PRIM2: variants seen among roughly 807,000 people sequenced by gnomAD.
PRIM2 encodes DNA primase subunit 2.
PRIM2 carries 39 observed loss-of-function variants against 67.3 expected under a neutral mutation model. The ratio of observed to expected loss-of-function variants is 0.58; its 90% confidence interval spans 0.45 to 0.76. The LOEUF (loss-of-function observed/expected upper bound fraction) is 0.76. Among genes scored for constraint, PRIM2 ranks in the 30% least tolerant of loss-of-function variants. PRIM2 has a pLI of 0.00. For synonymous variants in PRIM2, 143 were observed against 198.7 expected, an observed-to-expected ratio of 0.72 and a Z score of 2.36; for missense variants, 398 against 598.7, an observed-to-expected ratio of 0.66 and a Z score of 3.50.
the PRIM2 span, among the ~76,000 whole-genome samples, chr6:57,231,394 A>T: frequency 6.6e-6 from 1 of 152,238 alleles, no homozygotes; most frequent in East Asian, 1.9e-4. Context: ...CTTGAATTAC[A>T]AATAATGATG....
At chr6:57,574,464 C>T (rs1381429835) in intron 10 of PRIM2, among the ~76,000 whole-genome samples, 80 of 152,272 alleles carry the variant, frequency 5.3e-4, no homozygotes, top group African/African-American at 1.9e-3. Flanking sequence ...GGACAACTCA[C>T]GATCAGAACC....
Position 57,510,975 on chromosome 6 carries a change from G to C in PRIM2, c.761+3521G>C, listed in dbSNP as rs1774354721. Among the ~76,000 whole-genome samples, 3 of 152,094 alleles carry C rather than the reference G, an allele frequency of 2.0e-5. No individual in the cohort carries two copies. In the South Asian group the frequency reaches 6.2e-4, roughly 32 times the overall value. Reference sequence around the variant, plus strand: ...ATGGACATTAGGAGGTTGATACCGAGATCATTATTAGGTCTAATTTTGTTT... The same window carrying C: ...ATGGACATTAGGAGGTTGATACCGACATCATTATTAGGTCTAATTTTGTTT... On this transcript the variant is annotated intron_variant, in intron 8 of 13. Coordinates refer to ENST00000615550, the MANE Select transcript of PRIM2 (RefSeq NM_000947.5).
the PRIM2 span, among the ~76,000 whole-genome samples, chr6:57,293,835 G>T: frequency 6.6e-6 from 1 of 151,786 alleles, no homozygotes; most frequent in Non-Finnish European, 1.5e-5. Flanking sequence ...GGGGCCTGTT[G>T]GGGGGTGGGG....
rs1435893976 is a variant in PRIM2 at position 57,560,970 on chromosome 6, G to A, written c.1020+23345G>A. On this transcript the variant is annotated intron_variant, in intron 10 of 13. Coordinates refer to ENST00000615550, the MANE Select transcript of PRIM2 (RefSeq NM_000947.5). ...CTATAGCCCCTAACAAGAAAGTTAGGGGCTAATTTGAACCCAGGCATTGAC... is the reference window on the plus strand; with the variant it reads ...CTATAGCCCCTAACAAGAAAGTTAGAGGCTAATTTGAACCCAGGCATTGAC... Among the ~76,000 whole-genome samples the A allele has an allele frequency of 3.9e-5, 6 of 152,058 alleles. No homozygotes were observed. In the East Asian group the frequency reaches 7.7e-4, roughly 20 times the overall value.
chr6:57,233,071 T>A, the PRIM2 span, among the ~76,000 whole-genome samples: 21 of 152,354 alleles, frequency 1.4e-4, no homozygotes, highest in African/African-American at 4.8e-4. Flanking sequence ...CATATTCCTC[T>A]GTATGAAATC....
At chr6:57,333,121 ATAG>A (rs1768112572) in intron 5 of PRIM2, among the ~76,000 whole-genome samples, 1 of 152,170 alleles carries the variant, frequency 6.6e-6, no homozygotes, top group South Asian at 2.1e-4. Context: ...GTTAATTTCA[ATAG>A]TGTACAAACT....
At chr6:57,227,626 A>C in the PRIM2 span, among the ~76,000 whole-genome samples, 1 of 138,520 alleles carries the variant, frequency 7.2e-6, no homozygotes, top group African/African-American at 2.7e-5. Context: ...CCTCAGCCAC[A>C]GGGTGAGACC....
chr6:57,568,516 A>G (rs1775793578), intron 10 of PRIM2, among the ~76,000 whole-genome samples: 1 of 152,222 alleles, frequency 6.6e-6, no homozygotes. Context: ...CTTGTTCACT[A>G]CATGCCCCAG....
chr6:57,642,101 A>G (rs1490652390), intron 13 of PRIM2, among the ~76,000 whole-genome samples: 4 of 152,210 alleles, frequency 2.6e-5, no homozygotes, highest in Non-Finnish European at 5.9e-5. Context: ...TGAAGCTGGA[A>G]ACCATCATTC....
At chr6:57,620,489 C>T (rs1218651564) in intron 12 of PRIM2, among the ~76,000 whole-genome samples, 2,658 of 152,214 alleles carry the variant, frequency 0.017, 85 homozygotes, top group African/African-American at 0.06. Flanking sequence ...GGAAAGATAA[C>T]AGTCGTTTTC....
chr6:57,416,590 G>C lies in PRIM2; in HGVS notation c.693+34422G>C, dbSNP rs575341105. Among the ~76,000 whole-genome samples the C allele has an allele frequency of 1.3e-3, 191 of 152,208 alleles. 5 individuals carry two copies. In the East Asian group the frequency reaches 0.016, roughly 13 times the overall value. On this transcript the variant is annotated intron_variant, in intron 7 of 13. Coordinates refer to ENST00000615550, the MANE Select transcript of PRIM2 (RefSeq NM_000947.5). ...TCTCTAGCTATGAAAGTCCTATATG[G>C]CATCTTCTTCCAGTATTAGGCAGTT...
chr6:57,480,836 C>G (rs1773605949), intron 7 of PRIM2, among the ~76,000 whole-genome samples: 1 of 152,184 alleles, frequency 6.6e-6, no homozygotes, highest in Admixed American at 6.5e-5. Flanking sequence ...ACCATGTTGC[C>G]AGGACGGTCT....
intron 7 of PRIM2, among the ~76,000 whole-genome samples, chr6:57,493,241 GT>G (rs1334171133): frequency 4.9e-4 from 75 of 152,314 alleles, no homozygotes; most frequent in Non-Finnish European, 8.2e-4. Flanking sequence ...CAGCTAGAAT[GT>G]TGGTGAAAAG....
chr6:57,454,762 G>A (rs1772698979), intron 7 of PRIM2, among the ~76,000 whole-genome samples: 1 of 151,718 alleles, frequency 6.6e-6, no homozygotes, highest in Non-Finnish European at 1.5e-5. Context: ...TTTTTTGAAG[G>A]GTTTTTTTGT....
At chr6:57,411,091 C>T (rs1744703834) in intron 7 of PRIM2, among the ~76,000 whole-genome samples, 1 of 151,866 alleles carries the variant, frequency 6.6e-6, no homozygotes, top group Non-Finnish European at 1.5e-5. Context: ...ATGAGTTCTC[C>T]TGAGATCTGG....
At chr6:57,480,651 A>G (rs1455442601) in intron 7 of PRIM2, among the ~76,000 whole-genome samples, 3 of 152,010 alleles carry the variant, frequency 2.0e-5, no homozygotes, top group African/African-American at 7.2e-5. Flanking sequence ...CCTTTTTGAG[A>G]TGGAGTCTCA....
chr6:57,475,752 T>C (rs1265599808), intron 7 of PRIM2, among the ~76,000 whole-genome samples: 2 of 152,248 alleles, frequency 1.3e-5, no homozygotes, highest in African/African-American at 2.4e-5. Flanking sequence ...GAACTATTCA[T>C]TCTTTTGCAC....
chr6:57,408,499 T>C (rs1478312752), intron 7 of PRIM2, among the ~76,000 whole-genome samples: 4 of 152,170 alleles, frequency 2.6e-5, no homozygotes, highest in Admixed American at 6.5e-5. Context: ...GGGGAGTAAA[T>C]TGACAAATCA....
At chr6:57,570,672 A>G (rs1375741461) in intron 10 of PRIM2, among the ~76,000 whole-genome samples, 1 of 152,200 alleles carries the variant, frequency 6.6e-6, no homozygotes, top group African/African-American at 2.4e-5. Context: ...TGCCTAGAAC[A>G]GAGTAAGCCC....
Sources: gnomAD v4.1 joint callset for allele counts (sites outside exome capture counted in the v4.1 genomes callset) on GRCh38, gnomAD v4.1.1 for gene constraint, MANE v1.5 for transcripts, NCBI Gene and HGNC (gene_info 2026-07-23, HGNC 2026-07-21) for gene names.